The following PPP2R5E variants were observed in gnomAD, a reference collection of about 807,000 sequenced individuals.
PPP2R5E encodes serine/threonine-protein phosphatase 2A 56 kDa regulatory subunit epsilon isoform.
PPP2R5E carries 4 observed loss-of-function variants against 65.3 expected under a neutral mutation model. The ratio of observed to expected loss-of-function variants is 0.06; its 90% CI spans 0.03 to 0.14. The LOEUF is 0.14. Ranked by LOEUF, PPP2R5E falls within the 10% of genes least tolerant of loss-of-function variation. PPP2R5E has a pLI of 1.00. For synonymous variants in PPP2R5E, 183 were observed against 187.4 expected, an observed-to-expected ratio of 0.98 and a Z score of 0.19; for missense variants, 274 against 556.1, an observed-to-expected ratio of 0.49 and a Z score of 5.10.
chr14:63,445,735 G>A (rs1012146568), intron 3 of PPP2R5E, among the ~76,000 whole-genome samples: 6 of 152,020 alleles, frequency 3.9e-5, no homozygotes, highest in African/African-American at 9.7e-5. Flanking sequence ...CCAGCTACTC[G>A]GGAGGCTGAG....
intron 8 of PPP2R5E, 79 bp from the exon 9 acceptor site, chr14:63,392,104 C>T: frequency 1.8e-6 from 2 of 1,100,884 alleles, no homozygotes; most frequent in Non-Finnish European, 2.6e-6. Context: ...TTAAAACTTC[C>T]TAAAAGGTTT....
At chr14:63,421,052 CAAAAAAAAAAAAAAAAAA>C (rs56297942) in intron 4 of PPP2R5E, among the ~76,000 whole-genome samples, 49 of 10,294 alleles carry the variant, frequency 4.8e-3, no homozygotes, top group Admixed American at 0.028. Context: ...GACTCCGTCT[CAAAAAAAAAAAAAAAAAA>C]AAAAAAAAAA....
intron 7 of PPP2R5E, among the ~76,000 whole-genome samples, chr14:63,394,574 CTTCCGCCTTAAATATGACCT>C (rs1235937572): frequency 6.6e-6 from 1 of 152,198 alleles, no homozygotes; most frequent in Non-Finnish European, 1.5e-5. Flanking sequence ...GCCTTGCTTG[CTTCCGCCTTAAATATGACCT>C]TTTCCATTTC....
At chr14:63,538,650 T>C (rs1318216695) in intron 2 of PPP2R5E, among the ~76,000 whole-genome samples, 1 of 151,824 alleles carries the variant, frequency 6.6e-6, no homozygotes, top group Non-Finnish European at 1.5e-5. Flanking sequence ...AAACTTGTTT[T>C]TAACAAATTT....
At chr14:63,397,502 TAAAAAAAAAAAAA>T (rs1163450765) in intron 5 of PPP2R5E, among the ~76,000 whole-genome samples, 884 of 62,328 alleles carry the variant, frequency 0.014, 27 homozygotes, top group African/African-American at 0.053. Context: ...ATTCGGTCTT[TAAAAAAAAAAAAA>T]AAAAAAAAAA....
chr14:63,392,134 T>C (rs113188776), intron 8 of PPP2R5E, 109 bp from the exon 9 acceptor site: 1 of 690,210 alleles, frequency 1.4e-6, no homozygotes, highest in Non-Finnish European at 2.3e-6. Flanking sequence ...TTTTAATAAC[T>C]TCACATTCAA....
intron 2 of PPP2R5E, among the ~76,000 whole-genome samples, chr14:63,531,015 A>G (rs970058134): frequency 2.6e-5 from 4 of 152,216 alleles, no homozygotes; most frequent in African/African-American, 9.6e-5. Flanking sequence ...TCCTTCCTAA[A>G]AGTGAATGAA....
At chr14:63,461,342 AG>A (rs202147407) in intron 2 of PPP2R5E, among the ~76,000 whole-genome samples, 7,276 of 142,374 alleles carry the variant, frequency 0.051, 587 homozygotes, top group African/African-American at 0.17. Context: ...GTAAAATTAC[AG>A]AAAAAAAAAA....
intron 5 of PPP2R5E, among the ~76,000 whole-genome samples, chr14:63,402,039 G>A (rs1374065304): frequency 6.6e-6 from 1 of 152,212 alleles, no homozygotes; most frequent in East Asian, 1.9e-4. Flanking sequence ...TGGAGAGAAT[G>A]AGTAAGTATC....
intron 2 of PPP2R5E, among the ~76,000 whole-genome samples, chr14:63,495,870 T>G (rs1594940582): frequency 6.6e-6 from 1 of 152,032 alleles, no homozygotes; most frequent in East Asian, 1.9e-4. Context: ...TCTTTGATTT[T>G]TGTAGAGACA....
At chr14:63,517,160 G>A (rs1390159700) in intron 2 of PPP2R5E, among the ~76,000 whole-genome samples, 1 of 151,748 alleles carries the variant, frequency 6.6e-6, no homozygotes, top group Non-Finnish European at 1.5e-5. Context: ...ACCCTGAGGT[G>A]GTGAAATTAT....
At chr14:63,441,726 A>G (rs1400670545) in intron 3 of PPP2R5E, among the ~76,000 whole-genome samples, 1 of 152,162 alleles carries the variant, frequency 6.6e-6, no homozygotes, top group Non-Finnish European at 1.5e-5. Flanking sequence ...CCTGGCTAAC[A>G]TGGTGAAACA....
chr14:63,379,826 CTTTTTTTTTTTTTT>C (rs558475440), intron 13 of PPP2R5E, among the ~76,000 whole-genome samples: 4 of 100,300 alleles, frequency 4.0e-5, no homozygotes, highest in Admixed American at 1.0e-4. Context: ...TATTCTCTCT[CTTTTTTTTTTTTTT>C]TTTTTTTTTT....
At chr14:63,386,674 GC>G (rs1594813778) in intron 11 of PPP2R5E, among the ~76,000 whole-genome samples, 1 of 152,142 alleles carries the variant, frequency 6.6e-6, no homozygotes, top group East Asian at 1.9e-4. Flanking sequence ...TGTAATCTCA[GC>G]ACTTTGGGAG....
At chr14:63,437,043 C>G (rs987114187) in intron 3 of PPP2R5E, among the ~76,000 whole-genome samples, 3 of 152,156 alleles carry the variant, frequency 2.0e-5, no homozygotes, top group African/African-American at 7.2e-5. Flanking sequence ...GCAACCAAAA[C>G]CCACCAAAAC....
intron 2 of PPP2R5E, among the ~76,000 whole-genome samples, chr14:63,523,869 G>A (rs61983980): frequency 0.057 from 8,692 of 152,096 alleles, 287 homozygotes; most frequent in Middle Eastern, 0.099. Context: ...CAAAAACAGT[G>A]TTGTGTGCTT....
intron 3 of PPP2R5E, among the ~76,000 whole-genome samples, chr14:63,425,526 C>G (rs1887285484): frequency 6.6e-6 from 1 of 152,184 alleles, no homozygotes; most frequent in South Asian, 2.1e-4. Context: ...GGGGGCTTCT[C>G]TATAGTAAAA....
At chr14:63,399,681 G>A (rs1885633890) in intron 5 of PPP2R5E, among the ~76,000 whole-genome samples, 2 of 152,052 alleles carry the variant, frequency 1.3e-5, no homozygotes, top group South Asian at 2.1e-4. Context: ...AAGTCAGTGT[G>A]CAAGTTCCTC....
At chr14:63,458,353 T>C (rs1056351468) in intron 2 of PPP2R5E, among the ~76,000 whole-genome samples, 1 of 152,176 alleles carries the variant, frequency 6.6e-6, no homozygotes, top group Non-Finnish European at 1.5e-5. Flanking sequence ...TTGGGGCACA[T>C]AATCATGGAT....
Sources: allele counts gnomAD v4.1 joint callset (sites outside exome capture counted in the v4.1 genomes callset), GRCh38; gene constraint gnomAD v4.1.1; transcripts MANE v1.5; gene names NCBI Gene and HGNC (gene_info 2026-07-23, HGNC 2026-07-21).